CREM: variants seen among roughly 807,000 people sequenced by gnomAD.
CREM encodes the protein cAMP responsive element modulator, also known as cAMP-responsive element modulator.
Under a neutral mutation model 37.3 loss-of-function variants are expected in CREM, and 13 were observed. The ratio of observed to expected loss-of-function variants is 0.35; its 90% confidence interval spans 0.23 to 0.55. CREM has a LOEUF of 0.55. Ranked by LOEUF, CREM falls within the 20% of genes least tolerant of loss-of-function variation. The pLI is 0.88. For missense variants in CREM, 296 were observed against 362.3 expected (o/e 0.82, Z 1.49); for synonymous variants, 124 against 120.2 (o/e 1.03, Z -0.21).
Position 35,211,919 on chromosome 10 carries a change from C to A in CREM, c.*521C>A. ...TGTATCATTCATCTTCTTCTTTAATCACTTAACATTCCTAAAATGCTTCAC... is the reference window on the plus strand; with the variant it reads ...TGTATCATTCATCTTCTTCTTTAATAACTTAACATTCCTAAAATGCTTCAC... On this transcript the variant is annotated 3_prime_UTR_variant, in exon 8 of 8. Coordinates refer to ENST00000685392, the MANE Select transcript of CREM (RefSeq NM_183011.2). 9.5e-7 allele frequency: 1 copy of A among 1,054,668 alleles called. No individual in the cohort carries two copies. Among genetic ancestry groups the A allele is most frequent in the Non-Finnish European group, 1.3e-6 (1 of 770,936 alleles). 65.3% of individuals were successfully genotyped at this position (1,054,668 alleles called of 1,614,324 possible).
At chr10:35,176,312 G>A (rs1282726153) in intron 3 of CREM, among the ~76,000 whole-genome samples, 1 of 151,876 alleles carries the variant, frequency 6.6e-6, no homozygotes, top group Non-Finnish European at 1.5e-5. Context: ...CTCCCCAAGG[G>A]TGCTGAAAAA....
chr10:35,192,227 C>T (rs931875352), intron 6 of CREM, among the ~76,000 whole-genome samples: 1 of 152,200 alleles, frequency 6.6e-6, no homozygotes, highest in Admixed American at 6.5e-5. Flanking sequence ...GGAATTGTTC[C>T]TGAAAGTTCA....
chr10:35,179,367 T>G, intron 5 of CREM, 91 bp downstream of exon 5: 1 of 1,469,652 alleles, frequency 6.8e-7, no homozygotes, highest in South Asian at 1.4e-5. Context: ...ATTAAATTGT[T>G]CCATTTTAAA....
At chr10:35,199,286 G>A (rs1356144446) in intron 6 of CREM, among the ~76,000 whole-genome samples, 2 of 152,096 alleles carry the variant, frequency 1.3e-5, no homozygotes, top group Non-Finnish European at 2.9e-5. Flanking sequence ...AAATCTGCAG[G>A]GTGAAATTGG....
Position 35,148,411 on chromosome 10 carries a change from A to G in CREM, c.88A>G (p.Ile30Val), listed in dbSNP as rs1417673336. 1.2e-6 allele frequency: 2 copies of G among 1,613,744 alleles called. No homozygotes were observed. The highest frequency in any genetic ancestry group is 1.1e-5 in the South Asian group (1 of 90,986). Residue 30 changes from isoleucine (I) to valine (V), a missense_variant, in exon 3 of 8, where the codon ATA becomes GTA. Physicochemically the swap from Ile to Val is conservative, Grantham distance 29. Around this residue, in one of 2 missense-constraint regions of CREM, gnomAD observed 257 missense variants for 280.2 expected, o/e 0.92. Coordinates refer to ENST00000685392, the MANE Select transcript of CREM (RefSeq NM_183011.2). Reference sequence around the variant, plus strand: ...AGTTGAATCCCAGCATGATGGAAGTATAACAGCTTCTTTGACAGAGAGCAA... The same window carrying G: ...AGTTGAATCCCAGCATGATGGAAGTGTAACAGCTTCTTTGACAGAGAGCAA... The part of the protein sequence containing the change: ...ETVESQHDGS[I>V]TASLTESKSA...
In CREM at chr10:35,185,047, A is replaced by G. The variant is rs2094495659; in HGVS notation, c.410-3153A>G. On this transcript the variant is annotated intron_variant, in intron 5 of 7. Coordinates refer to ENST00000685392, the MANE Select transcript of CREM (RefSeq NM_183011.2). The stretch of plus-strand genomic sequence containing the variant: ...GGAAATGATAGCCATTCATTCATTC[A>G]TTCATTCATTCATTCATTCTATTTT... Among the ~76,000 whole-genome samples the G allele has an allele frequency of 3.3e-5, 5 of 150,476 alleles. No individual in the cohort carries two copies. In the South Asian group the frequency reaches 1.1e-3, roughly 32 times the overall value.
At chr10:35,206,727 A>G (rs1188782624) in intron 6 of CREM, among the ~76,000 whole-genome samples, 168 bp from the exon 7 acceptor site, 1 of 152,262 alleles carries the variant, frequency 6.6e-6, no homozygotes, top group Admixed American at 6.5e-5. Context: ...AGTGCTGAAG[A>G]AGATCTTTAA....
intron 3 of CREM, chr10:35,158,546 TC>T: frequency 5.8e-6 from 1 of 172,956 alleles, no homozygotes. Flanking sequence ...CAGACCTACT[TC>T]CAGCAGAACA....
chr10:35,160,896 C>A (rs920202030), intron 3 of CREM, among the ~76,000 whole-genome samples: 1 of 152,188 alleles, frequency 6.6e-6, no homozygotes, highest in Non-Finnish European at 1.5e-5. Context: ...CTGTCTTCCA[C>A]CTTCATATCC....
At chr10:35,149,762 T>A (rs1190466944) in intron 3 of CREM, among the ~76,000 whole-genome samples, 1 of 152,038 alleles carries the variant, frequency 6.6e-6, no homozygotes, top group Non-Finnish European at 1.5e-5. Context: ...CTTTCCTCTT[T>A]AAAGCTGCCA....
chr10:35,130,196 CAAAAA>C (rs754455183), intron 1 of CREM, among the ~76,000 whole-genome samples: 2 of 67,204 alleles, frequency 3.0e-5, no homozygotes, highest in Admixed American at 1.6e-4. Flanking sequence ...AACTCAGTCT[CAAAAA>C]AAAAAAAAAA....
At chr10:35,184,691 G>T (rs1259409803) in intron 5 of CREM, among the ~76,000 whole-genome samples, 1 of 152,126 alleles carries the variant, frequency 6.6e-6, no homozygotes, top group Non-Finnish European at 1.5e-5. Flanking sequence ...AATAAAATGA[G>T]AAACAGATTC....
intron 7 of CREM, among the ~76,000 whole-genome samples, chr10:35,209,610 G>A (rs17591781): frequency 0.33 from 50,217 of 151,982 alleles, 8,408 homozygotes; most frequent in Non-Finnish European, 0.35. Flanking sequence ...TTAAACACCC[G>A]CAACACCGCT....
chr10:35,169,965 C>CTTT (rs71033381), intron 3 of CREM, among the ~76,000 whole-genome samples: 16,680 of 135,288 alleles, frequency 0.12, 1,222 homozygotes, highest in Non-Finnish European at 0.17. Flanking sequence ...GGTGGAGAAG[C>CTTT]TTTTTTTTTT....
At chr10:35,209,544 A>C (rs1366009332) in intron 7 of CREM, 1 of 163,612 alleles carries the variant, frequency 6.1e-6, no homozygotes, top group Non-Finnish European at 1.3e-5. Flanking sequence ...ACACATGCAC[A>C]CTCAAATGTA....
intron 3 of CREM, among the ~76,000 whole-genome samples, chr10:35,156,932 G>GCAA (rs1368907908): frequency 4.6e-5 from 7 of 152,084 alleles, no homozygotes; most frequent in Admixed American, 3.3e-4. Context: ...ATATAAAGAT[G>GCAA]CAACAACAAC....
At chr10:35,180,179 CATGTTGTTGAAGA>C (rs1055426389) in intron 5 of CREM, among the ~76,000 whole-genome samples, 1 of 152,058 alleles carries the variant, frequency 6.6e-6, no homozygotes, top group Non-Finnish European at 1.5e-5. Context: ...TGACAGCAGT[CATGTTGTTGAAGA>C]GATTCATAAT....
intron 3 of CREM, among the ~76,000 whole-genome samples, chr10:35,155,148 T>C (rs886379597): frequency 9.2e-5 from 14 of 152,322 alleles, no homozygotes; most frequent in African/African-American, 3.1e-4. Context: ...ACAAATTTAT[T>C]TTAGTGTTTG....
At chr10:35,138,776 A>C (rs1478283842) in intron 2 of CREM, among the ~76,000 whole-genome samples, 3 of 151,836 alleles carry the variant, frequency 2.0e-5, no homozygotes, top group Non-Finnish European at 4.4e-5. Flanking sequence ...TAATCCCAGC[A>C]CTTTGAGAGG....
Sources: gnomAD v4.1 joint callset for allele counts (sites outside exome capture counted in the v4.1 genomes callset) on GRCh38, gnomAD v4.1.1 for gene constraint, gnomAD v4.1.1 regional missense constraint, MANE v1.5 for transcripts, NCBI Gene and HGNC (gene_info 2026-07-23, HGNC 2026-07-21) for gene names.